The following SUPT3H variants were observed in gnomAD, a reference collection of about 807,000 sequenced individuals.
SUPT3H encodes the protein transcription initiation protein SPT3 homolog.
A neutral mutation model predicts 44.3 loss-of-function variants in SUPT3H; 44 were observed. The observed-to-expected ratio is 0.99, with a 90% CI of 0.78 to 1.28. SUPT3H has a LOEUF of 1.28. Ranked by LOEUF, SUPT3H falls within the 50% of genes most tolerant of loss-of-function variation. The probability of loss-of-function intolerance (pLI) is 0.00; values close to 1 mark genes in which losing one functional copy is unlikely to be tolerated. For missense variants in SUPT3H, 380 were observed against 387.1 expected (o/e 0.98, Z 0.15); for synonymous variants, 124 against 125.6 (o/e 0.99, Z 0.09).
chr6:45,255,384 A>T (rs1208397475), intron 2 of SUPT3H, among the ~76,000 whole-genome samples: 1 of 149,304 alleles, frequency 6.7e-6, no homozygotes, highest in Admixed American at 6.7e-5. Context: ...TATGTTCATT[A>T]ATTTATTTCA....
intron 3 of SUPT3H, among the ~76,000 whole-genome samples, chr6:45,042,668 C>A (rs1788724425): frequency 6.6e-6 from 1 of 152,036 alleles, no homozygotes; most frequent in South Asian, 2.1e-4. Flanking sequence ...AACTAGTTAA[C>A]CATTGTGGAA....
rs112249042 is a variant in SUPT3H, at chr6:45,102,308, C to T, written c.186+3614G>A. Among the ~76,000 whole-genome samples, 773 of 151,962 alleles carry T rather than the reference C, an allele frequency of 5.1e-3. 9 individuals are homozygous for T. The highest frequency in any genetic ancestry group is 4.4e-3 in the Non-Finnish European group (301 of 67,990). ...TTAAGAGAGACACAAAAGAGGAAAA[C>T]GTACAAGTTTAAGAGAGACACAAAA... On this transcript the variant is annotated intron_variant, in intron 3 of 10. Transcript: ENST00000371459.
chr6:45,094,921 C>T (rs1192751725), intron 3 of SUPT3H, among the ~76,000 whole-genome samples: 2 of 152,080 alleles, frequency 1.3e-5, no homozygotes, highest in Admixed American at 1.3e-4. Flanking sequence ...TTTTGAACAA[C>T]TCTGTACGCA....
At chr6:45,242,095 G>A (rs1193414646) in intron 2 of SUPT3H, among the ~76,000 whole-genome samples, 1 of 152,146 alleles carries the variant, frequency 6.6e-6, no homozygotes, top group Non-Finnish European at 1.5e-5. Flanking sequence ...TTGGTCTTCT[G>A]CTGTAAACAA....
intron 2 of SUPT3H, among the ~76,000 whole-genome samples, chr6:45,225,713 AAC>A (rs964041749): frequency 4.6e-5 from 7 of 152,190 alleles, no homozygotes; most frequent in African/African-American, 1.7e-4. Context: ...TCCACTTTTT[AAC>A]AGAGTCTGCT....
chr6:45,019,263 G>A (rs1041514807), intron 4 of SUPT3H, among the ~76,000 whole-genome samples: 6 of 151,780 alleles, frequency 4.0e-5, no homozygotes, highest in African/African-American at 1.2e-4. Flanking sequence ...TCTTGCTAGC[G>A]GTCTATCAGT....
intron 5 of SUPT3H, among the ~76,000 whole-genome samples, chr6:45,012,906 G>A (rs1259155573): frequency 6.6e-6 from 1 of 152,074 alleles, no homozygotes; most frequent in African/African-American, 2.4e-5. Flanking sequence ...TCTTCAGAGG[G>A]TGCAGCCTTG....
At chr6:45,018,284 G>A (rs1410641669) in intron 4 of SUPT3H, among the ~76,000 whole-genome samples, 31 of 152,004 alleles carry the variant, frequency 2.0e-4, no homozygotes, top group African/African-American at 5.5e-4. Flanking sequence ...TAATCATGTC[G>A]TCTGCAAACA....
At chr6:45,083,037 C>A (rs1052271285) in intron 3 of SUPT3H, among the ~76,000 whole-genome samples, 1 of 151,912 alleles carries the variant, frequency 6.6e-6, no homozygotes, top group African/African-American at 2.4e-5. Flanking sequence ...GTCATAGTCA[C>A]ACAAATATCT....
intron 3 of SUPT3H, among the ~76,000 whole-genome samples, chr6:45,025,194 T>C (rs1785776976): frequency 1.3e-5 from 2 of 152,220 alleles, no homozygotes; most frequent in African/African-American, 4.8e-5. Flanking sequence ...TGTGGCACTT[T>C]TTCTTTAAAA....
intron 2 of SUPT3H, among the ~76,000 whole-genome samples, chr6:45,256,120 G>A (rs371360844): frequency 2.0e-5 from 3 of 152,118 alleles, no homozygotes; most frequent in East Asian, 1.9e-4. Flanking sequence ...CCAGTGAGCC[G>A]AGTTTGCACC....
intron 3 of SUPT3H, among the ~76,000 whole-genome samples, chr6:45,090,323 G>A (rs1796978547): frequency 6.6e-6 from 1 of 152,038 alleles, no homozygotes; most frequent in Non-Finnish European, 1.5e-5. Context: ...TTGGAGAACA[G>A]CCATTAGGTC....
chr6:45,177,779 A>G (rs1298698662), intron 2 of SUPT3H, among the ~76,000 whole-genome samples: 3 of 152,090 alleles, frequency 2.0e-5, no homozygotes, highest in Non-Finnish European at 2.9e-5. Context: ...ATTCTTAAAG[A>G]AAAGAATTTT....
At chr6:45,264,873 CTAGTT>C (rs1307611918) in intron 2 of SUPT3H, among the ~76,000 whole-genome samples, 6 of 151,890 alleles carry the variant, frequency 4.0e-5, no homozygotes, top group Admixed American at 3.9e-4. Flanking sequence ...AACATGAGAA[CTAGTT>C]TAAAGAAAAG....
intron 3 of SUPT3H, among the ~76,000 whole-genome samples, chr6:45,105,615 G>A (rs1358415095): frequency 6.6e-6 from 1 of 152,098 alleles, no homozygotes; most frequent in Non-Finnish European, 1.5e-5. Context: ...TCAGCCTTCA[G>A]TGAGTCATAA....
chr6:45,085,151 T>A (rs1219261926), intron 3 of SUPT3H, among the ~76,000 whole-genome samples: 1 of 152,006 alleles, frequency 6.6e-6, no homozygotes, highest in Non-Finnish European at 1.5e-5. Context: ...TAAAAATAAA[T>A]AAAAATGTAG....
At chr6:44,966,089 C>T (rs1776735900) in intron 6 of SUPT3H, among the ~76,000 whole-genome samples, 1 of 152,152 alleles carries the variant, frequency 6.6e-6, no homozygotes, top group African/African-American at 2.4e-5. Context: ...AAAATCAAGA[C>T]AGTGGTCAAA....
At chr6:44,910,470 T>C (rs1348056970) in intron 10 of SUPT3H, among the ~76,000 whole-genome samples, 3 of 152,172 alleles carry the variant, frequency 2.0e-5, no homozygotes, top group Non-Finnish European at 4.4e-5. Flanking sequence ...CCTTACTTAC[T>C]TCATGGGATT....
chr6:44,976,783 G>T (rs1461743972), intron 6 of SUPT3H, among the ~76,000 whole-genome samples: 1 of 152,142 alleles, frequency 6.6e-6, no homozygotes, highest in Non-Finnish European at 1.5e-5. Context: ...GTCTTGCAGG[G>T]ACTTTTCTCT....
Sources: allele counts gnomAD v4.1 joint callset (sites outside exome capture counted in the v4.1 genomes callset), GRCh38; gene constraint gnomAD v4.1.1; transcripts MANE v1.5; gene names NCBI Gene and HGNC (gene_info 2026-07-23, HGNC 2026-07-21).